The following STAU2 variants were observed in gnomAD, a reference collection of about 807,000 sequenced individuals.
STAU2 encodes the protein double-stranded RNA-binding protein Staufen homolog 2.
STAU2 carries 20 observed loss-of-function variants against 65.9 expected under a neutral mutation model. The observed-to-expected ratio is 0.30, with a 90% CI of 0.21 to 0.44. The LOEUF (loss-of-function observed/expected upper bound fraction) is 0.44. Ranked by LOEUF, STAU2 falls within the 20% of genes least tolerant of loss-of-function variation. The pLI is 1.00. For synonymous variants in STAU2, 232 were observed against 233.9 expected, an observed-to-expected ratio of 0.99 and a Z score of 0.07; for missense variants, 558 against 683.9, an observed-to-expected ratio of 0.82 and a Z score of 2.05.
At chr8:73,719,247 A>G (rs2130698112) in intron 3 of STAU2, among the ~76,000 whole-genome samples, 1 of 152,296 alleles carries the variant, frequency 6.6e-6, no homozygotes, top group Middle Eastern at 3.4e-3. Flanking sequence ...ACTAAAAAAT[A>G]CAAAAAAATT....
chr8:73,488,953 C>T (rs1821042259), intron 13 of STAU2, among the ~76,000 whole-genome samples: 1 of 151,884 alleles, frequency 6.6e-6, no homozygotes, highest in Admixed American at 6.6e-5. Flanking sequence ...AATAACCTAA[C>T]TGTCTCTTTC....
intron 9 of STAU2, among the ~76,000 whole-genome samples, chr8:73,608,438 C>T (rs992685138): frequency 2.6e-5 from 4 of 151,536 alleles, no homozygotes; most frequent in Admixed American, 2.6e-4. Context: ...GAAAGCCCGT[C>T]TCTACTAAAA....
intron 6 of STAU2, among the ~76,000 whole-genome samples, chr8:73,643,978 C>T (rs887769225): frequency 8.5e-5 from 13 of 152,054 alleles, no homozygotes; most frequent in African/African-American, 2.9e-4. Flanking sequence ...TCCTAGAAAG[C>T]AGGAAAGTGA....
chr8:73,693,256 G>A (rs1463249787), intron 4 of STAU2, among the ~76,000 whole-genome samples: 2 of 152,098 alleles, frequency 1.3e-5, no homozygotes, highest in African/African-American at 4.8e-5. Flanking sequence ...GGCGGATCAC[G>A]AGGTCAGGAG....
chr8:73,703,251 T>C (rs1471206276), intron 4 of STAU2, among the ~76,000 whole-genome samples: 1 of 152,062 alleles, frequency 6.6e-6, no homozygotes. Flanking sequence ...TATCATGAGA[T>C]CTGGTCATAT....
At chr8:73,672,932 G>A (rs1817789950) in intron 6 of STAU2, 175 bp downstream of exon 6, 3 of 505,686 alleles carry the variant, frequency 5.9e-6, no homozygotes, top group Non-Finnish European at 9.2e-6. Flanking sequence ...CCTGAAAACT[G>A]GGTTTCTTTA....
At chr8:73,523,694 A>ACCAACCGAT (rs1563400815) in intron 13 of STAU2, among the ~76,000 whole-genome samples, 4 of 151,994 alleles carry the variant, frequency 2.6e-5, no homozygotes, top group Non-Finnish European at 5.9e-5. Flanking sequence ...AGCCTTTCGA[A>ACCAACCGAT]TGGTTTCTTT....
intron 5 of STAU2, among the ~76,000 whole-genome samples, chr8:73,673,979 T>C (rs1454564847): frequency 6.6e-6 from 1 of 151,932 alleles, no homozygotes; most frequent in Non-Finnish European, 1.5e-5. Flanking sequence ...TCGGAGGTTA[T>C]ACCTTAGCAG....
At chr8:73,466,374 G>C (rs1206105908) in intron 13 of STAU2, among the ~76,000 whole-genome samples, 2 of 152,164 alleles carry the variant, frequency 1.3e-5, no homozygotes, top group African/African-American at 2.4e-5. Context: ...CTAGAGGAGA[G>C]GTGAAAGGGC....
chr8:73,438,001 C>A (rs1409151986), intron 13 of STAU2, among the ~76,000 whole-genome samples: 1 of 152,192 alleles, frequency 6.6e-6, no homozygotes, highest in Non-Finnish European at 1.5e-5. Context: ...CTCCCTCCTG[C>A]CTCAGGGATT....
chr8:73,679,284 T>C (rs1818229787), intron 5 of STAU2, among the ~76,000 whole-genome samples: 1 of 152,188 alleles, frequency 6.6e-6, no homozygotes, highest in East Asian at 1.9e-4. Context: ...CAGGCAGGAC[T>C]AACTTGAGGC....
At chr8:73,431,904 G>A (rs1352178466) in intron 13 of STAU2, among the ~76,000 whole-genome samples, 1 of 152,190 alleles carries the variant, frequency 6.6e-6, no homozygotes, top group Non-Finnish European at 1.5e-5. Context: ...CGACAATGTA[G>A]CAGCATTCGG....
intron 11 of STAU2, among the ~76,000 whole-genome samples, chr8:73,594,314 G>C (rs1197733439): frequency 6.6e-6 from 1 of 152,072 alleles, no homozygotes; most frequent in Admixed American, 6.5e-5. Context: ...GTACATCTAA[G>C]TGTCTTTATA....
At position 73,452,365 on chromosome 8, in the gene STAU2, G is replaced by A. The variant is rs552149346; in HGVS notation, c.1531-29663C>T. On this transcript the variant is annotated intron_variant, in intron 13 of 14. Coordinates refer to ENST00000524300, the MANE Select transcript of STAU2 (RefSeq NM_001164380.2). Reference sequence around the variant, plus strand: ...GGTCAGGGCCACTCTTGCAAACCTCGCCTGGGCCCAGCCCACCCAGTGCTG... The same window carrying A: ...GGTCAGGGCCACTCTTGCAAACCTCACCTGGGCCCAGCCCACCCAGTGCTG... Among the ~76,000 whole-genome samples, 319 of 152,224 alleles carry A rather than the reference G, an allele frequency of 2.1e-3. 1 individual carries two copies. The highest frequency in any genetic ancestry group is 6.6e-3 in the African/African-American group (273 of 41,524).
At chr8:73,539,145 G>T (rs907167144) in intron 13 of STAU2, among the ~76,000 whole-genome samples, 1 of 152,140 alleles carries the variant, frequency 6.6e-6, no homozygotes, top group Non-Finnish European at 1.5e-5. Flanking sequence ...AAAATAAAAC[G>T]CAAAACTATT....
In STAU2 at chr8:73,613,736, A is replaced by G; in HGVS notation, c.891+8T>C. The G allele has an allele frequency of 6.3e-7, 1 of 1,595,750 alleles. No homozygotes were observed. The highest frequency in any genetic ancestry group is 8.5e-7 in the Non-Finnish European group (1 of 1,172,512). ...AAAACTGACTGATGTTCACAAATAT[A>G]AACTTACCTTTACTATTGTTTTAGG... On this transcript the variant is annotated splice_region_variant and intron_variant, in intron 9 of 14. Coordinates refer to ENST00000524300, the MANE Select transcript of STAU2 (RefSeq NM_001164380.2).
intron 4 of STAU2, among the ~76,000 whole-genome samples, chr8:73,693,701 T>C (rs1188971292): frequency 1.3e-5 from 2 of 152,176 alleles, no homozygotes; most frequent in East Asian, 1.9e-4. Context: ...CAGTAAAAAG[T>C]GTAGTAGTTT....
chr8:73,516,632 G>C (rs1815127761), intron 13 of STAU2, among the ~76,000 whole-genome samples: 1 of 152,140 alleles, frequency 6.6e-6, no homozygotes, highest in Non-Finnish European at 1.5e-5. Context: ...GTCTAAAAAG[G>C]AATTTTGGAC....
At chr8:73,651,442 G>A (rs1293119618) in intron 6 of STAU2, 4 of 671,444 alleles carry the variant, frequency 6.0e-6, no homozygotes, top group African/African-American at 3.6e-5. Flanking sequence ...ATCGCCGCAT[G>A]AAACACGAAC....
Sources: gnomAD v4.1 joint callset for allele counts (sites outside exome capture counted in the v4.1 genomes callset) on GRCh38, gnomAD v4.1.1 for gene constraint, MANE v1.5 for transcripts, NCBI Gene and HGNC (gene_info 2026-07-23, HGNC 2026-07-21) for gene names.